The following SUSD4 variants were observed in gnomAD, a reference collection of about 807,000 sequenced individuals.
The protein encoded by SUSD4 is sushi domain-containing protein 4.
In SUSD4, 41 loss-of-function variants were observed where a neutral mutation model predicts 50.5. The observed-to-expected ratio is 0.81, with a 90% CI of 0.63 to 1.05. SUSD4 has a LOEUF of 1.05. SUSD4 is among the 50% of genes least tolerant of loss of function. The pLI is 0.00. For missense variants in SUSD4, 580 were observed against 634.7 expected, an observed-to-expected ratio of 0.91 and a Z score of 0.93; for synonymous variants, 257 against 257.3, an observed-to-expected ratio of 1.00 and a Z score of 0.01.
chr1:223,235,021 A>C (rs1341270890), intron 5 of SUSD4: 1 of 1,611,700 alleles, frequency 6.2e-7, no homozygotes. Context: ...ACTTTAACAC[A>C]GGGCAAAAAT....
intron 2 of SUSD4, among the ~76,000 whole-genome samples, chr1:223,331,138 G>A (rs539993308): frequency 3.3e-5 from 5 of 152,222 alleles, no homozygotes; most frequent in Non-Finnish European, 5.9e-5. Context: ...TACTAAACTC[G>A]TTTGTTTATA....
At chr1:223,344,671 T>C (rs746379937) in intron 2 of SUSD4, among the ~76,000 whole-genome samples, 1 of 152,004 alleles carries the variant, frequency 6.6e-6, no homozygotes, top group Non-Finnish European at 1.5e-5. Flanking sequence ...CCAGAAAAAC[T>C]CTCCACCACT....
At chr1:223,345,006 T>G (rs868828538) in intron 2 of SUSD4, among the ~76,000 whole-genome samples, 17 of 152,260 alleles carry the variant, frequency 1.1e-4, no homozygotes, top group Non-Finnish European at 2.4e-4. Context: ...TCATTGCTCT[T>G]ACTTAAGGGA....
intron 5 of SUSD4, among the ~76,000 whole-genome samples, chr1:223,260,412 T>C (rs1662023699): frequency 6.6e-6 from 1 of 152,142 alleles, no homozygotes; most frequent in South Asian, 2.1e-4. Context: ...TGTCAGAGCT[T>C]TTTTAGTTTT....
At chr1:223,228,377 A>G (rs1659667933) in intron 6 of SUSD4, among the ~76,000 whole-genome samples, 1 of 152,194 alleles carries the variant, frequency 6.6e-6, no homozygotes, top group African/African-American at 2.4e-5. Context: ...GCTGGCTCAC[A>G]GGATCATGTG....
At chr1:223,335,705 A>G (rs576095825) in intron 2 of SUSD4, among the ~76,000 whole-genome samples, 2 of 152,216 alleles carry the variant, frequency 1.3e-5, no homozygotes, top group Non-Finnish European at 2.9e-5. Context: ...AGAAATGAGA[A>G]AACACAGATT....
At chr1:223,347,447 G>A (rs1668094779) in intron 2 of SUSD4, among the ~76,000 whole-genome samples, 1 of 152,034 alleles carries the variant, frequency 6.6e-6, no homozygotes, top group African/African-American at 2.4e-5. Flanking sequence ...TTCACAGTGA[G>A]AACAATCTTT....
intron 3 of SUSD4, chr1:223,289,392 T>G (rs1446359771): frequency 1.9e-5 from 14 of 741,964 alleles, no homozygotes; most frequent in Non-Finnish European, 2.0e-5. Flanking sequence ...AGAAGCAAGT[T>G]GAATTGGAAT....
chr1:223,256,927 T>C (rs1471894025), intron 5 of SUSD4, among the ~76,000 whole-genome samples: 1 of 152,218 alleles, frequency 6.6e-6, no homozygotes, highest in Non-Finnish European at 1.5e-5. Flanking sequence ...CGGAGCTGTC[T>C]GAACCTCAGT....
chr1:223,264,838 A>G lies in SUSD4; in HGVS notation c.536-20T>C. On this transcript the variant is annotated intron_variant, in intron 4 of 8. Transcript: ENST00000366878. ...GGCAGCCTGTGGAAGGTGAAAGAAA[A>G]AGGGAAAGATTCCACTCTGTCATCT... is the stretch of plus-strand genomic sequence containing the variant. The G allele has an allele frequency of 6.2e-7, 1 of 1,608,442 alleles. No individual in the cohort carries two copies.
At chr1:223,334,708 C>T (rs1351380308) in intron 2 of SUSD4, among the ~76,000 whole-genome samples, 3 of 152,032 alleles carry the variant, frequency 2.0e-5, no homozygotes, top group Admixed American at 2.0e-4. Flanking sequence ...TTTTTTATTT[C>T]CGTAGGTTTT....
intron 3 of SUSD4, among the ~76,000 whole-genome samples, chr1:223,273,199 C>G (rs898740219): frequency 1.3e-5 from 2 of 152,100 alleles, no homozygotes; most frequent in Non-Finnish European, 2.9e-5. Context: ...CTAAAGAAGA[C>G]CTGTGTATTT....
At chr1:223,254,117 G>C (rs567468521) in intron 5 of SUSD4, among the ~76,000 whole-genome samples, 1 of 152,188 alleles carries the variant, frequency 6.6e-6, no homozygotes. Flanking sequence ...TGCAAGCCCC[G>C]GGACAGGCGA....
chr1:223,279,304 AAAG>A (rs1323740228), intron 3 of SUSD4, among the ~76,000 whole-genome samples: 6 of 152,344 alleles, frequency 3.9e-5, no homozygotes, highest in Non-Finnish European at 4.4e-5. Context: ...AACCCAATGC[AAAG>A]AAGCTAAAAA....
chr1:223,321,770 G>A (rs750547320), intron 2 of SUSD4, among the ~76,000 whole-genome samples: 2 of 152,204 alleles, frequency 1.3e-5, no homozygotes, highest in Non-Finnish European at 2.9e-5. Flanking sequence ...GTATTATGAA[G>A]GAAACTGGTT....
intron 2 of SUSD4, among the ~76,000 whole-genome samples, chr1:223,315,886 T>C (rs1666157968): frequency 6.6e-6 from 1 of 152,144 alleles, no homozygotes; most frequent in African/African-American, 2.4e-5. Context: ...GAAGTCTTGA[T>C]TGCAAGGGAA....
In SUSD4 at chr1:223,223,622, G is replaced by A; in HGVS notation, c.1071C>T (p.Pro357=). Residue 357 remains proline (P), a synonymous_variant, in exon 8 of 9, where the codon CCC becomes CCT. Transcript: ENST00000366878. ...AGTCAGGGTCACTGCTGGAACTCCG[G>A]GGAGGCCCCCTGTGTAAAGGAAAGA... ...FKAHFPPRGP[P]RSSSSDPDFV... is the part of the protein sequence containing the mutation. The A allele has an allele frequency of 6.2e-7, 1 of 1,605,114 alleles. No individual in the cohort carries two copies. The highest frequency in any genetic ancestry group is 8.5e-7 in the Non-Finnish European group (1 of 1,174,494).
At chr1:223,310,815 T>C (rs1665829405) in intron 2 of SUSD4, among the ~76,000 whole-genome samples, 1 of 152,252 alleles carries the variant, frequency 6.6e-6, no homozygotes. Context: ...TGGCCCTCTA[T>C]AGACACAGTC....
intron 2 of SUSD4, among the ~76,000 whole-genome samples, chr1:223,303,780 G>C (rs955848861): frequency 6.6e-6 from 1 of 152,150 alleles, no homozygotes; most frequent in Non-Finnish European, 1.5e-5. Flanking sequence ...ATTATGAGGT[G>C]AGATGGTCAC....
Sources: gnomAD v4.1 joint callset for allele counts (sites outside exome capture counted in the v4.1 genomes callset) on GRCh38, gnomAD v4.1.1 for gene constraint, MANE v1.5 for transcripts, NCBI Gene and HGNC (gene_info 2026-07-23, HGNC 2026-07-21) for gene names.